The following USP8 variants were observed in gnomAD, a reference collection of about 807,000 sequenced individuals.
USP8 encodes ubiquitin carboxyl-terminal hydrolase 8.
In USP8, 27 loss-of-function variants were observed where a neutral mutation model predicts 130.0. The ratio of observed to expected loss-of-function variants is 0.21; its 90% CI spans 0.15 to 0.29. The LOEUF (loss-of-function observed/expected upper bound fraction) is 0.29. USP8 is among the 10% of genes least tolerant of loss of function. USP8 has a pLI of 1.00. For missense variants in USP8, 1,029 were observed against 1,312.2 expected (o/e 0.78, Z 3.33); for synonymous variants, 392 against 444.1 (o/e 0.88, Z 1.48).
intron 5 of USP8, among the ~76,000 whole-genome samples, chr15:50,460,523 G>A (rs187709184): frequency 1.1e-3 from 172 of 151,956 alleles, no homozygotes; most frequent in African/African-American, 4.1e-3. Flanking sequence ...TGGCCAGGCT[G>A]TTCTTGAACT....
intron 4 of USP8, chr15:50,458,476 T>C (rs1240105019): frequency 1.9e-5 from 3 of 157,126 alleles, no homozygotes; most frequent in African/African-American, 7.2e-5. Context: ...GGAATAGTTC[T>C]AAATTCCTCA....
Position 50,500,101 on chromosome 15 carries a change from A to G in USP8, c.*1013A>G, listed in dbSNP as rs545993618. The G allele has an allele frequency of 2.0e-5, 3 of 152,302 alleles. No homozygotes were observed. The highest frequency in any genetic ancestry group is 7.2e-5 in the African/African-American group (3 of 41,566). The allele number at this position is 152,302 out of a possible 1,614,324, so 9.4% of individuals were successfully genotyped here. On this transcript the variant is annotated 3_prime_UTR_variant, in exon 20 of 20. Coordinates refer to ENST00000307179, the MANE Select transcript of USP8 (RefSeq NM_005154.5). ...GTAAAACACTCCATATAAAAATAAG[A>G]TTCTAAAAGTGCTTCAGAAAGAGAC...
chr15:50,450,399 C>T (rs1473025811), intron 4 of USP8, among the ~76,000 whole-genome samples: 3 of 150,262 alleles, frequency 2.0e-5, no homozygotes, highest in Admixed American at 6.6e-5. Flanking sequence ...ACTTGCTTAC[C>T]AGGTTTACAA....
intron 17 of USP8, among the ~76,000 whole-genome samples, chr15:50,496,366 C>A (rs574345899): frequency 5.3e-5 from 8 of 151,494 alleles, no homozygotes; most frequent in African/African-American, 1.2e-4. Flanking sequence ...CTGTAGTCCC[C>A]GCTACTCAGG....
At position 50,477,399 on chromosome 15, in the gene USP8, G is replaced by C; in HGVS notation, c.1118G>C (p.Gly373Ala). The C allele has an allele frequency of 6.2e-7, 1 of 1,614,030 alleles. No individual in the cohort carries two copies. The highest frequency in any genetic ancestry group is 8.5e-7 in the Non-Finnish European group (1 of 1,180,004). The change falls in exon 10 of 20, where the codon GGA (glycine) becomes GCA (alanine). Residue 373 changes from glycine to alanine, a missense_variant. Gly to Ala is a moderately conservative substitution (Grantham distance 60). This residue lies in a region of USP8 where 486 missense variants were observed against 522.0 expected (regional missense o/e 0.93). Coordinates refer to ENST00000307179, the MANE Select transcript of USP8 (RefSeq NM_005154.5). ...ATAAGTGGTCAAAATGAGAGAATGG[G>C]ACCACTGAATATATCAACTCCAGTT... ...ELISGQNERMGPLNISTPVEP... is the reference protein window; with the variant it reads ...ELISGQNERMAPLNISTPVEP...
At chr15:50,446,945 C>T (rs1330623667) in intron 3 of USP8, among the ~76,000 whole-genome samples, 1 of 152,060 alleles carries the variant, frequency 6.6e-6, no homozygotes, top group Non-Finnish European at 1.5e-5. Context: ...ACAGATTTTT[C>T]TTCTTAAAAA....
Position 50,508,178 on chromosome 15 carries a change from C to CTT in USP8, c.*9093_*9094dup, listed in dbSNP as rs2052689847. 1 of 148,118 alleles carries CTT rather than the reference C, an allele frequency of 6.8e-6. No homozygotes were observed. Among genetic ancestry groups the CTT allele is most frequent in the Non-Finnish European group, 1.5e-5 (1 of 66,986 alleles). The allele number at this position is 148,118 out of a possible 1,614,324, so 9.2% of individuals were successfully genotyped here. On this transcript the variant is annotated 3_prime_UTR_variant, in exon 20 of 20. Transcript: ENST00000307179. ...ATGATACCCCCACAAAAAATCAATA[C>CTT]TTTTGGAAATTAAAAAAACACTTCT...
rs1257640792 is a variant in USP8 at position 50,497,157 on chromosome 15, C to G, written c.2964C>G (p.Cys988Trp). The G allele has an allele frequency of 6.2e-7, 1 of 1,610,376 alleles. No homozygotes were observed. Residue 988 changes from cysteine (C) to tryptophan (W), a missense_variant, in exon 18 of 20, where the codon TGC becomes TGG. Cys to Trp is a radical substitution (Grantham distance 215). Coordinates refer to ENST00000307179, the MANE Select transcript of USP8 (RefSeq NM_005154.5). ...TDNNRFYCSH[C>W]RARRDSLKKI... is the part of the protein sequence containing the mutation. ...ACAACAGATTTTACTGCAGTCATTG[C>G]AGAGCTCGACGGGATTCTCTAAAAA... is the stretch of plus-strand genomic sequence containing the variant.
chr15:50,449,671 TC>T (rs1162998076), intron 4 of USP8, among the ~76,000 whole-genome samples, 186 bp downstream of exon 4: 1 of 148,692 alleles, frequency 6.7e-6, no homozygotes, highest in Non-Finnish European at 1.5e-5. Flanking sequence ...AAGCTCCACT[TC>T]CTGGGTTCAC....
Position 50,508,399 on chromosome 15 carries a change from T to C in USP8, c.*9311T>C, listed in dbSNP as rs1455901724. The C allele has an allele frequency of 3.3e-5, 5 of 152,202 alleles. No homozygotes were observed. Among genetic ancestry groups the C allele is most frequent in the Non-Finnish European group, 7.3e-5 (5 of 68,038 alleles). The allele number at this position is 152,202 out of a possible 1,614,324, so 9.4% of individuals were successfully genotyped here. The stretch of plus-strand genomic sequence containing the variant: ...CAAATATCTTGCTTCAGCAAGCTAG[T>C]TGATGGATGCATGGCGGTTTGTTAT... On this transcript the variant is annotated 3_prime_UTR_variant, in exon 20 of 20. Transcript: ENST00000307179.
At position 50,506,720 on chromosome 15, in the gene USP8, G is replaced by A. The variant is rs2052664045; in HGVS notation, c.*7632G>A. 1.3e-5 allele frequency: 2 copies of A among 152,104 alleles called. No individual in the cohort carries two copies. The highest frequency in any genetic ancestry group is 2.4e-5 in the African/African-American group (1 of 41,408). The allele number at this position is 152,104 out of a possible 1,614,324, so 9.4% of individuals were successfully genotyped here. A position where few individuals can be genotyped will look rare whatever the true frequency, so the allele number is the denominator to read the frequency against. On this transcript the variant is annotated 3_prime_UTR_variant, in exon 20 of 20. Transcript: ENST00000307179. ...CACGTCTATAATCTCAGCACTTGGG[G>A]AGGCCGAGGGGGGCGGATCACGAGG...
chr15:50,493,924 C>T, intron 15 of USP8, 146 bp from the exon 16 acceptor site: 1 of 969,040 alleles, frequency 1.0e-6, no homozygotes, highest in Non-Finnish European at 1.6e-6. Context: ...AGATGAGAAT[C>T]TGGTGGTGAG....
intron 4 of USP8, among the ~76,000 whole-genome samples, chr15:50,452,031 G>A (rs780514077): frequency 6.6e-6 from 1 of 152,212 alleles, no homozygotes; most frequent in Non-Finnish European, 1.5e-5. Context: ...TCCTAGGGGT[G>A]GCCGCATGGT....
chr15:50,497,248 G>T lies in USP8; in HGVS notation c.3038+17G>T. ...TCTGAAACGGTAAAGGGGAAAGTTT[G>T]TCCTCCTGTTCAGTGAAATTAAATG... On this transcript the variant is annotated intron_variant, in intron 18 of 19. Transcript: ENST00000307179. 1 of 1,592,040 alleles carries T rather than the reference G, an allele frequency of 6.3e-7. No individual in the cohort carries two copies. Among genetic ancestry groups the T allele is most frequent in the South Asian group, 1.2e-5 (1 of 86,744 alleles).
chr15:50,501,051 T>G lies in USP8; in HGVS notation c.*1963T>G, dbSNP rs1164972980. ...TATATGTTGTGCCCATTGACTATCATCTGTGAATAAAGAAAGACAATATTT... is the reference window on the plus strand; with the variant it reads ...TATATGTTGTGCCCATTGACTATCAGCTGTGAATAAAGAAAGACAATATTT... On this transcript the variant is annotated 3_prime_UTR_variant, in exon 20 of 20. Transcript: ENST00000307179. 2.0e-6 allele frequency: 1 copy of G among 496,440 alleles called. No individual in the cohort carries two copies. Among genetic ancestry groups the G allele is most frequent in the Non-Finnish European group, 3.7e-6 (1 of 272,790 alleles). The allele number at this position is 496,440 out of a possible 1,614,324, so 30.8% of individuals were successfully genotyped here. A position where few individuals can be genotyped will look rare whatever the true frequency, so the allele number is the denominator to read the frequency against.
Position 50,513,007 on chromosome 15 carries a change from G to A in USP8, c.*13919G>A, listed in dbSNP as rs1315014910. ...AATGACTCTTTCCAATCAATAAGAAGAAAAATAACCCAGTTTGTAAAAAAT... is the reference window on the plus strand; with the variant it reads ...AATGACTCTTTCCAATCAATAAGAAAAAAAATAACCCAGTTTGTAAAAAAT... On this transcript the variant is annotated 3_prime_UTR_variant, in exon 20 of 20. Transcript: ENST00000307179. 1 of 152,032 alleles carries A rather than the reference G, an allele frequency of 6.6e-6. No individual in the cohort carries two copies. Among genetic ancestry groups the A allele is most frequent in the Non-Finnish European group, 1.5e-5 (1 of 67,978 alleles). The allele number at this position is 152,032 out of a possible 1,614,324, so 9.4% of individuals were successfully genotyped here. A position where few individuals can be genotyped will look rare whatever the true frequency, so the allele number is the denominator to read the frequency against.
In USP8 at chr15:50,504,828, AAAAATT is replaced by A. The variant is rs2052636132; in HGVS notation, c.*5742_*5747del. 1 of 151,926 alleles carries A rather than the reference AAAAATT, an allele frequency of 6.6e-6. No individual in the cohort carries two copies. The highest frequency in any genetic ancestry group is 1.5e-5 in the Non-Finnish European group (1 of 67,986). 9.4% of individuals were successfully genotyped at this position (151,926 alleles called of 1,614,324 possible). A position where few individuals can be genotyped will look rare whatever the true frequency, so the allele number is the denominator to read the frequency against. Reference sequence around the variant, plus strand: ...CCCTGTCTCTATTAAAAAAAACAAAAAAAATTAGCTGGGCCTGGTGGCGTGCACCTG... The same window carrying A: ...CCCTGTCTCTATTAAAAAAAACAAAAAGCTGGGCCTGGTGGCGTGCACCTG... On this transcript the variant is annotated 3_prime_UTR_variant, in exon 20 of 20. Coordinates refer to ENST00000307179, the MANE Select transcript of USP8 (RefSeq NM_005154.5).
chr15:50,441,559 C>T, intron 3 of USP8, 66 bp downstream of exon 3: 1 of 1,393,166 alleles, frequency 7.2e-7, no homozygotes. Flanking sequence ...TGATTTTTTT[C>T]TAAAAATTTT....
At chr15:50,467,969 C>G (rs548947133) in intron 7 of USP8, among the ~76,000 whole-genome samples, 3 of 151,674 alleles carry the variant, frequency 2.0e-5, no homozygotes, top group Non-Finnish European at 2.9e-5. Context: ...GAGTCTTGCT[C>G]TGTCGCCCAG....
Sources: allele counts gnomAD v4.1 joint callset (sites outside exome capture counted in the v4.1 genomes callset), GRCh38; gene constraint gnomAD v4.1.1; regional missense constraint gnomAD v4.1.1; transcripts MANE v1.5; gene names NCBI Gene and HGNC (gene_info 2026-07-23, HGNC 2026-07-21).